The following PTBP3 variants were observed in gnomAD, a reference collection of about 807,000 sequenced individuals.
PTBP3 encodes polypyrimidine tract-binding protein 3.
A neutral mutation model predicts 58.7 loss-of-function variants in PTBP3; 20 were observed. The observed-to-expected ratio is 0.34, with a 90% CI of 0.24 to 0.50. The LOEUF is 0.50. PTBP3 is among the 20% of genes least tolerant of loss of function. PTBP3 has a pLI of 0.98. For synonymous variants in PTBP3, 185 were observed against 219.8 expected, an observed-to-expected ratio of 0.84 and a Z score of 1.40; for missense variants, 509 against 637.2, an observed-to-expected ratio of 0.80 and a Z score of 2.17.
the PTBP3 span, among the ~76,000 whole-genome samples, chr9:112,348,693 G>A: frequency 3.9e-5 from 6 of 152,332 alleles, no homozygotes; most frequent in East Asian, 5.8e-4. Context: ...TCTTCCAAGT[G>A]TACTTTACTT....
chr9:112,269,994 G>C (rs1047651078), intron 3 of PTBP3, among the ~76,000 whole-genome samples: 34 of 151,436 alleles, frequency 2.2e-4, no homozygotes, highest in African/African-American at 8.3e-4. Context: ...ACCCAGGCTG[G>C]AGTGCAGTGG....
chr9:112,291,895 C>T (rs78831069), intron 2 of PTBP3, among the ~76,000 whole-genome samples: 2 of 152,164 alleles, frequency 1.3e-5, no homozygotes, highest in Admixed American at 6.5e-5. Flanking sequence ...AAACCCTCTG[C>T]ACAGCAACGG....
At chr9:112,344,805 T>C in the PTBP3 span, among the ~76,000 whole-genome samples, 1 of 152,164 alleles carries the variant, frequency 6.6e-6, no homozygotes, top group East Asian at 1.9e-4. Flanking sequence ...TTAGTTGCAT[T>C]TCTATATACC....
chr9:112,231,410 T>C lies in PTBP3; in HGVS notation c.1024A>G (p.Ile342Val), dbSNP rs372720889. ...AGGATAAAAAGCCCATGTGGTGTGA[T>C]AAGCTGTAAAGGGTAACACAAAGTT... ...LLVTNLNPDL[I>V]TPHGLFILFG... The change falls in exon 10 of 14, where the codon ATC becomes GTC. Residue 342 changes from isoleucine to valine, a missense_variant. This residue lies in a region of PTBP3 where 135 missense variants were observed against 229.0 expected (regional missense o/e 0.59). Coordinates refer to ENST00000374257, the MANE Select transcript of PTBP3 (RefSeq NM_001163788.4). 9 of 1,593,456 alleles carry C rather than the reference T, an allele frequency of 5.6e-6. No homozygotes were observed.
Position 112,300,739 on chromosome 9 carries a change from G to A in PTBP3, c.-51-2823C>T, listed in dbSNP as rs535123675. On this transcript the variant is annotated intron_variant, in intron 1 of 13. Coordinates refer to ENST00000374257, the MANE Select transcript of PTBP3 (RefSeq NM_001163788.4). ...TGCACTCCAGCCTGGGCGACAAAGCGAGACTCCGTCTCAAAGAAAAAAAAA... is the reference window on the plus strand; with the variant it reads ...TGCACTCCAGCCTGGGCGACAAAGCAAGACTCCGTCTCAAAGAAAAAAAAA... Among the ~76,000 whole-genome samples the A allele has an allele frequency of 3.3e-5, 5 of 150,578 alleles. No individual in the cohort carries two copies. The South Asian group carries it at 8.3e-4, about 25-fold the overall frequency.
chr9:112,284,126 A>ATG (rs1287276099), intron 2 of PTBP3, among the ~76,000 whole-genome samples: 1 of 151,732 alleles, frequency 6.6e-6, no homozygotes, highest in African/African-American at 2.4e-5. Flanking sequence ...GCCCGTACAT[A>ATG]TAGTCCCTGC....
upstream of PTBP3, among the ~76,000 whole-genome samples, chr9:112,336,524 TA>T (rs34344974): frequency 0.85 from 128,798 of 151,752 alleles, 55,080 homozygotes; most frequent in African/African-American, 0.95. Flanking sequence ...CTCACACCTG[TA>T]AATCACAGCA....
At chr9:112,340,278 A>T in the PTBP3 span, among the ~76,000 whole-genome samples, 1 of 152,230 alleles carries the variant, frequency 6.6e-6, no homozygotes, top group Non-Finnish European at 1.5e-5. Context: ...TTGTATTAAT[A>T]CTAAATTTGT....
At chr9:112,296,124 T>C (rs560443047) in intron 2 of PTBP3, among the ~76,000 whole-genome samples, 44 of 152,300 alleles carry the variant, frequency 2.9e-4, no homozygotes, top group African/African-American at 9.6e-4. Flanking sequence ...AGCTAAAAGA[T>C]TGGACGCCCC....
At chr9:112,333,660 G>A (rs1262696571), upstream of PTBP3, 2 of 575,210 alleles carry the variant, frequency 3.5e-6, no homozygotes, top group African/African-American at 3.9e-5. Context: ...CGCCACCGCC[G>A]CGCCCCCGCC....
chr9:112,284,707 C>T (rs1318650423), intron 2 of PTBP3, among the ~76,000 whole-genome samples: 3 of 152,052 alleles, frequency 2.0e-5, no homozygotes, highest in Admixed American at 6.5e-5. Flanking sequence ...AAAAACAAAA[C>T]AGAAAACAAA....
the PTBP3 span, among the ~76,000 whole-genome samples, chr9:112,344,693 G>C: frequency 6.6e-6 from 1 of 151,924 alleles, no homozygotes; most frequent in South Asian, 2.1e-4. Context: ...TATCTATGTA[G>C]AAAATTCAAA....
chr9:112,301,709 T>A (rs140031950), intron 1 of PTBP3, among the ~76,000 whole-genome samples: 1 of 152,178 alleles, frequency 6.6e-6, no homozygotes, highest in Non-Finnish European at 1.5e-5. Context: ...AATCTACATA[T>A]GCAATAAGAT....
chr9:112,321,528 GA>G lies in PTBP3; in HGVS notation c.-52+11941del, dbSNP rs34348679. On this transcript the variant is annotated intron_variant, in intron 1 of 13. Transcript: ENST00000374257. ...TGGGCAACAGAGTGAGACGTAGTCT[GA>G]AAAAAAAAAAAAAGAAAGAAAGAAA... is the stretch of plus-strand genomic sequence containing the variant. 3.9e-4 allele frequency among the ~76,000 whole-genome samples: 56 copies of G among 143,290 alleles called. No homozygotes were observed. The East Asian group carries it at 5.3e-3, about 14-fold the overall frequency. The allele number at this position is 143,290 out of a possible 152,430, so 94.0% of individuals were successfully genotyped here.
the PTBP3 span, among the ~76,000 whole-genome samples, chr9:112,365,222 C>T: frequency 1.3e-5 from 2 of 152,034 alleles, no homozygotes; most frequent in East Asian, 1.9e-4. Flanking sequence ...TTTTCTTTAT[C>T]CATTCATCCA....
At chr9:112,339,958 TTA>T in the PTBP3 span, among the ~76,000 whole-genome samples, 1 of 152,170 alleles carries the variant, frequency 6.6e-6, no homozygotes, top group East Asian at 1.9e-4. Flanking sequence ...TTAAACATGT[TTA>T]TTTTTTATTT....
rs542210808 is a variant in PTBP3, at chr9:112,227,741, G to C, written c.1148-114C>G. 1.3e-4 allele frequency: 104 copies of C among 806,826 alleles called. No homozygotes were observed. The African/African-American group carries it at 1.7e-3, about 13-fold the overall frequency. 50.0% of individuals were successfully genotyped at this position (806,826 alleles called of 1,614,324 possible). A position where few individuals can be genotyped will look rare whatever the true frequency, so the allele number is the denominator to read the frequency against. ...GTAGTTATTTAAAACTGTATTATCA[G>C]TTTGAGGGTGAAAAGGGTTTCAAAA... On this transcript the variant is annotated intron_variant, in intron 11 of 13. Coordinates refer to ENST00000374257, the MANE Select transcript of PTBP3 (RefSeq NM_001163788.4).
At chr9:112,295,149 G>GA (rs1828614217) in intron 2 of PTBP3, among the ~76,000 whole-genome samples, 1 of 151,220 alleles carries the variant, frequency 6.6e-6, no homozygotes, top group Non-Finnish European at 1.5e-5. Flanking sequence ...CGAGGCAGGA[G>GA]AATCTCTTGA....
At chr9:112,263,560 T>C (rs1008856889) in intron 4 of PTBP3, among the ~76,000 whole-genome samples, 4 of 152,166 alleles carry the variant, frequency 2.6e-5, no homozygotes, top group African/African-American at 7.2e-5. Context: ...TTCTTGAAAA[T>C]AAATTGCCTA....
Sources: gnomAD v4.1 joint callset for allele counts (sites outside exome capture counted in the v4.1 genomes callset) on GRCh38, gnomAD v4.1.1 for gene constraint, gnomAD v4.1.1 regional missense constraint, MANE v1.5 for transcripts, NCBI Gene and HGNC (gene_info 2026-07-23, HGNC 2026-07-21) for gene names.